Variants in ENTREP2 observed in about 807,000 individuals in gnomAD.
The protein encoded by ENTREP2 is endosomal transmembrane epsin interactor 2.
chr15:29,216,922 C>T, the ENTREP2 span, among the ~76,000 whole-genome samples: 1 of 152,010 alleles, frequency 6.6e-6, no homozygotes, highest in African/African-American at 2.4e-5. Flanking sequence ...TTTATTTAAG[C>T]CGGCGGCCAA....
chr15:29,420,986 G>A, the ENTREP2 span, among the ~76,000 whole-genome samples: 7 of 152,222 alleles, frequency 4.6e-5, no homozygotes. Flanking sequence ...TCAGAATGAG[G>A]AAGACCTGAG....
At chr15:29,482,690 A>G in the ENTREP2 span, among the ~76,000 whole-genome samples, 1 of 152,212 alleles carries the variant, frequency 6.6e-6, no homozygotes, top group East Asian at 1.9e-4. Context: ...TTTAGTGCTT[A>G]GAAGTATTCC....
the ENTREP2 span, chr15:29,126,459 C>G: frequency 1.3e-6 from 2 of 1,550,106 alleles, no homozygotes; most frequent in South Asian, 2.4e-5. Flanking sequence ...GCAGTGCCCT[C>G]GGACACCAGG....
At chr15:29,470,473 T>C in the ENTREP2 span, among the ~76,000 whole-genome samples, 22 of 152,332 alleles carry the variant, frequency 1.4e-4, no homozygotes, top group African/African-American at 2.9e-4. Context: ...TTCACCTCTG[T>C]TGCAATCCAG....
At chr15:29,289,805 C>T in the ENTREP2 span, among the ~76,000 whole-genome samples, 1 of 152,044 alleles carries the variant, frequency 6.6e-6, no homozygotes, top group Admixed American at 6.5e-5. Context: ...AAGATCGCAC[C>T]ACTGCACTCC....
the ENTREP2 span, chr15:29,610,423 T>TGTA: frequency 6.6e-6 from 1 of 150,578 alleles, no homozygotes; most frequent in Non-Finnish European, 1.5e-5. Context: ...CTGCGATGCT[T>TGTA]CATTCCTGTT....
the ENTREP2 span, among the ~76,000 whole-genome samples, chr15:29,136,862 G>A: frequency 2.6e-5 from 4 of 152,104 alleles, no homozygotes; most frequent in Non-Finnish European, 5.9e-5. Flanking sequence ...GGCTTCTTTC[G>A]GGTTGCGTTG....
At chr15:29,484,901 G>A in the ENTREP2 span, among the ~76,000 whole-genome samples, 3 of 152,146 alleles carry the variant, frequency 2.0e-5, no homozygotes, top group Non-Finnish European at 2.9e-5. Flanking sequence ...GCAGGAAAAC[G>A]TTAACTGGTT....
the ENTREP2 span, chr15:29,123,416 T>G: frequency 6.4e-7 from 1 of 1,551,280 alleles, no homozygotes. Context: ...GCCAAGCGCA[T>G]GGCACCCACC....
At chr15:29,616,605 C>T in the ENTREP2 span, among the ~76,000 whole-genome samples, 1 of 152,072 alleles carries the variant, frequency 6.6e-6, no homozygotes, top group African/African-American at 2.4e-5. Context: ...GATTGTTTAC[C>T]TTTTCCTTTT....
the ENTREP2 span, among the ~76,000 whole-genome samples, chr15:29,655,409 A>T: frequency 5.3e-5 from 8 of 152,236 alleles, no homozygotes; most frequent in Non-Finnish European, 1.5e-5. Flanking sequence ...GCAGAAGAGG[A>T]TGTGCTCCCA....
At chr15:29,662,211 C>CAA in the ENTREP2 span, among the ~76,000 whole-genome samples, 859 of 46,564 alleles carry the variant, frequency 0.018, 18 homozygotes, top group Middle Eastern at 0.038. Flanking sequence ...AACCCTGTCG[C>CAA]AAAAAAAAAA....
chr15:29,469,298 C>A, the ENTREP2 span, among the ~76,000 whole-genome samples: 1 of 152,224 alleles, frequency 6.6e-6, no homozygotes, highest in Non-Finnish European at 1.5e-5. Flanking sequence ...CTCTTGGGTT[C>A]AAGCAATTCT....
the ENTREP2 span, among the ~76,000 whole-genome samples, chr15:29,178,293 T>TAAAA: frequency 2.7e-5 from 3 of 111,362 alleles, no homozygotes; most frequent in African/African-American, 6.6e-5. Context: ...GAACCTGTCT[T>TAAAA]AAAAAAAAAA....
the ENTREP2 span, chr15:29,381,948 GTGGCGGGGCT>G: frequency 1.1e-6 from 1 of 902,542 alleles, no homozygotes; most frequent in Non-Finnish European, 1.7e-6. Context: ...CACACACACA[GTGGCGGGGCT>G]ACCATGAGCT....
chr15:29,654,431 C>T, the ENTREP2 span, among the ~76,000 whole-genome samples: 1 of 151,872 alleles, frequency 6.6e-6, no homozygotes, highest in Non-Finnish European at 1.5e-5. Context: ...GAAAGTAGAA[C>T]ATACGCTTTG....
At chr15:29,612,417 C>T in the ENTREP2 span, among the ~76,000 whole-genome samples, 67 of 151,996 alleles carry the variant, frequency 4.4e-4, no homozygotes, top group Non-Finnish European at 6.3e-4. Flanking sequence ...CCCAGCGTGG[C>T]CCCTCTTAGA....
chr15:29,674,801 C>A, the ENTREP2 span, among the ~76,000 whole-genome samples: 22 of 151,730 alleles, frequency 1.4e-4, no homozygotes, highest in Admixed American at 5.9e-4. Context: ...GGGCGGGCTT[C>A]CCCCTGCCGG....
At chr15:29,228,610 A>G in the ENTREP2 span, among the ~76,000 whole-genome samples, 2 of 152,320 alleles carry the variant, frequency 1.3e-5, no homozygotes, top group South Asian at 4.1e-4. Context: ...TATACTGTGT[A>G]TATTTTACCA....
Sources: allele counts gnomAD v4.1 joint callset (sites outside exome capture counted in the v4.1 genomes callset), GRCh38; gene constraint gnomAD v4.1.1; transcripts MANE v1.5; gene names NCBI Gene and HGNC (gene_info 2026-07-23, HGNC 2026-07-21).